The following ZC3H18 variants were observed in gnomAD, a reference collection of about 807,000 sequenced individuals.
ZC3H18 encodes zinc finger CCCH domain-containing protein 18.
In ZC3H18, 8 loss-of-function variants were observed where a neutral mutation model predicts 106.1. The ratio of observed to expected loss-of-function variants is 0.08; its 90% confidence interval spans 0.04 to 0.14. The LOEUF (loss-of-function observed/expected upper bound fraction) is 0.14, where lower values mean the gene tolerates loss of function less well. Among genes scored for constraint, ZC3H18 ranks in the 10% least tolerant of loss-of-function variants. ZC3H18 has a pLI of 1.00. For missense variants in ZC3H18, 1,318 were observed against 1,278.4 expected (o/e 1.03, Z -0.47); for synonymous variants, 635 against 522.1 (o/e 1.22, Z -2.95).
intron 1 of ZC3H18, among the ~76,000 whole-genome samples, chr16:88,573,511 G>A (rs1315328707): frequency 2.0e-5 from 3 of 151,942 alleles, no homozygotes; most frequent in African/African-American, 4.8e-5. Flanking sequence ...TGCATCAAGC[G>A]CCCCTGTGAT....
chr16:88,624,380 G>A (rs999989774), intron 11 of ZC3H18: 4 of 733,516 alleles, frequency 5.5e-6, no homozygotes, highest in Non-Finnish European at 8.8e-6. Flanking sequence ...TGTAGCTCTT[G>A]CCTGTTAGAG....
intron 5 of ZC3H18, 52 bp from the exon 6 acceptor site, chr16:88,599,739 G>A: frequency 1.3e-6 from 2 of 1,567,056 alleles, no homozygotes; most frequent in African/African-American, 1.4e-5. Flanking sequence ...TTTCCTAACA[G>A]CGACGCCCGG....
rs996346190 is a variant in ZC3H18 at position 88,584,415 on chromosome 16, C to G, written c.604-2185C>G. ...CCAGCCTGGGCGACAGAGCAGGACT[C>G]TGTCTCCAAAAAAAAAAAAAAAGCA... On this transcript the variant is annotated intron_variant, in intron 2 of 17. Transcript: ENST00000301011. Among the ~76,000 whole-genome samples, 14 of 148,014 alleles carry G rather than the reference C, an allele frequency of 9.5e-5. No individual in the cohort carries two copies. In the East Asian group the frequency reaches 2.4e-3, roughly 25 times the overall value.
Position 88,625,211 on chromosome 16 carries a change from A to C in ZC3H18, c.2052A>C (p.Leu684=). 6.3e-7 allele frequency: 1 copy of C among 1,590,768 alleles called. No homozygotes were observed. Among genetic ancestry groups the C allele is most frequent in the Non-Finnish European group, 8.6e-7 (1 of 1,168,932 alleles). Reference sequence around the variant, plus strand: ...GTTGCTTGTATTACAGGCGGACGCTAAGCGGCAGCGGCAGTGGCAGTGGTA... The same window carrying C: ...GTTGCTTGTATTACAGGCGGACGCTCAGCGGCAGCGGCAGTGGCAGTGGTA... ...PARTPPRRRT[L]SGSGSGSGSS... is the part of the protein sequence containing the mutation. Residue 684 remains leucine (L), a synonymous_variant, in exon 13 of 18, where the codon CTA becomes CTC. Transcript: ENST00000301011.
At chr16:88,599,347 C>A (rs906328399) in intron 5 of ZC3H18, among the ~76,000 whole-genome samples, 4 of 152,232 alleles carry the variant, frequency 2.6e-5, no homozygotes, top group Admixed American at 6.5e-5. Flanking sequence ...AGCTTCAGCT[C>A]TGGGGACCAC....
Position 88,625,204 on chromosome 16 carries a change from G to A in ZC3H18, c.2045G>A (p.Arg682Gln), listed in dbSNP as rs1327530688. The A allele has an allele frequency of 5.7e-6, 9 of 1,586,884 alleles. No individual in the cohort carries two copies. Among genetic ancestry groups the A allele is most frequent in the Admixed American group, 3.6e-5 (2 of 56,302 alleles). The change falls in exon 13 of 18, where the codon CGG (arginine) becomes CAG (glutamine). Residue 682 changes from arginine to glutamine, a missense_variant and splice_region_variant. By Grantham distance (43) the Arg-to-Gln change is conservative. This residue lies in a region of ZC3H18 where 848 missense variants were observed against 821.7 expected (regional missense o/e 1.03). Coordinates refer to ENST00000301011, the MANE Select transcript of ZC3H18 (RefSeq NM_144604.4). ...CCCCGCTGTTGCTTGTATTACAGGC[G>A]GACGCTAAGCGGCAGCGGCAGTGGC... is the stretch of plus-strand genomic sequence containing the variant. The part of the protein sequence containing the change: ...ERPARTPPRR[R>Q]TLSGSGSGSG...
At chr16:88,629,445 C>T (rs1906523009) in intron 16 of ZC3H18, among the ~76,000 whole-genome samples, 1 of 152,242 alleles carries the variant, frequency 6.6e-6, no homozygotes, top group African/African-American at 2.4e-5. Context: ...CATTGCACTG[C>T]AGCTTGGGCA....
intron 2 of ZC3H18, 149 bp downstream of exon 2, chr16:88,577,875 A>C: frequency 4.9e-6 from 7 of 1,418,830 alleles, no homozygotes; most frequent in Non-Finnish European, 6.6e-6. Context: ...TTTTGGGTTC[A>C]GTCCCATAGT....
intron 3 of ZC3H18, among the ~76,000 whole-genome samples, chr16:88,588,540 A>G (rs967732623): frequency 6.0e-5 from 9 of 150,976 alleles, no homozygotes; most frequent in Non-Finnish European, 1.2e-4. Flanking sequence ...ATGAACACAG[A>G]CAGGATCCTG....
Position 88,614,955 on chromosome 16 carries a change from C to T in ZC3H18, c.1475+3419C>T, listed in dbSNP as rs529448569. Among the ~76,000 whole-genome samples the T allele has an allele frequency of 3.9e-5, 6 of 152,078 alleles. No homozygotes were observed. The South Asian group carries it at 6.2e-4, about 16-fold the overall frequency. ...ATTTCCTCCATTCCGTCTGCCTGGACGGGCTGCCCCACCTCCTGTTCCCTC... is the reference window on the plus strand; with the variant it reads ...ATTTCCTCCATTCCGTCTGCCTGGATGGGCTGCCCCACCTCCTGTTCCCTC... On this transcript the variant is annotated intron_variant, in intron 8 of 17. Coordinates refer to ENST00000301011, the MANE Select transcript of ZC3H18 (RefSeq NM_144604.4).
intron 1 of ZC3H18, among the ~76,000 whole-genome samples, chr16:88,574,667 ATTTTTTTTTTTTTTT>A: frequency 1.3e-5 from 1 of 79,848 alleles, no homozygotes; most frequent in African/African-American, 6.1e-5. Flanking sequence ...CACCCAGCTA[ATTTTTTTTTTTTTTT>A]TTTTTTTTTT....
chr16:88,622,965 A>C, intron 9 of ZC3H18: 1 of 522,522 alleles, frequency 1.9e-6, no homozygotes, highest in Non-Finnish European at 3.4e-6. Flanking sequence ...CCACCCGGTA[A>C]CAGCAGGCAC....
At position 88,627,715 on chromosome 16, in the gene ZC3H18, C is replaced by T. The variant is rs984505912; in HGVS notation, c.2202C>T (p.Asp734=). Residue 734 remains aspartate (D), a synonymous_variant, in exon 14 of 18, where the codon GAC becomes GAT. Coordinates refer to ENST00000301011, the MANE Select transcript of ZC3H18 (RefSeq NM_144604.4). The surrounding 1 kb of genome is among the most constrained non-coding windows in gnomAD (Gnocchi z 4.5). ...HSVDSEDMYA[D]LASPVSSASS... is the part of the protein sequence containing the mutation. ...TGGACTCGGAGGACATGTACGCAGACCTGGCTAGCCCCGTGTCCTCAGCCA... is the reference window on the plus strand; with the variant it reads ...TGGACTCGGAGGACATGTACGCAGATCTGGCTAGCCCCGTGTCCTCAGCCA... The T allele has an allele frequency of 1.9e-6, 3 of 1,613,502 alleles. No individual in the cohort carries two copies. Among genetic ancestry groups the T allele is most frequent in the Admixed American group, 3.3e-5 (2 of 59,998 alleles).
At chr16:88,573,954 C>T (rs921948878) in intron 1 of ZC3H18, among the ~76,000 whole-genome samples, 1 of 151,770 alleles carries the variant, frequency 6.6e-6, no homozygotes, top group Admixed American at 6.6e-5. Flanking sequence ...CTCACTGCAA[C>T]CTCCGCCCCC....
At chr16:88,628,523 G>A in intron 15 of ZC3H18, 1 of 567,146 alleles carries the variant, frequency 1.8e-6, no homozygotes, top group South Asian at 2.1e-5. Context: ...CCCGTGGGGA[G>A]CAGGAAGGCC....
chr16:88,602,149 G>A (rs8058378), intron 6 of ZC3H18, among the ~76,000 whole-genome samples: 11,661 of 152,302 alleles, frequency 0.077, 521 homozygotes, highest in Middle Eastern at 0.1. Flanking sequence ...GGTCCTACCT[G>A]TGCCCGCTGC....
intron 2 of ZC3H18, among the ~76,000 whole-genome samples, chr16:88,581,801 C>G (rs1005001067): frequency 6.6e-6 from 1 of 152,236 alleles, no homozygotes; most frequent in South Asian, 2.1e-4. Flanking sequence ...TAGTCTCTCC[C>G]CAGAACCACC....
At chr16:88,624,481 C>A in intron 11 of ZC3H18, 121 bp from the exon 12 acceptor site, 2 of 1,420,514 alleles carry the variant, frequency 1.4e-6, no homozygotes, top group Non-Finnish European at 1.9e-6. Context: ...CACGAGCGTG[C>A]TCACCGAGCG....
At chr16:88,619,919 C>G (rs1905856455) in intron 8 of ZC3H18, among the ~76,000 whole-genome samples, 1 of 152,174 alleles carries the variant, frequency 6.6e-6, no homozygotes, top group Non-Finnish European at 1.5e-5. Context: ...CTCTAGTAGC[C>G]TGTGACAGGG....
Sources: gnomAD v4.1 joint callset for allele counts (sites outside exome capture counted in the v4.1 genomes callset) on GRCh38, gnomAD v4.1.1 for gene constraint, gnomAD v4.1.1 regional missense constraint, Gnocchi (gnomAD v3.1) non-coding constraint, MANE v1.5 for transcripts, NCBI Gene and HGNC (gene_info 2026-07-23, HGNC 2026-07-21) for gene names.